Variants in SGCZ observed in about 807,000 individuals in gnomAD.
SGCZ encodes the protein zeta-sarcoglycan.
SGCZ carries 40 observed loss-of-function variants against 41.3 expected under a neutral mutation model. That is an observed-to-expected ratio of 0.97 (90% CI 0.75 to 1.26). The LOEUF is 1.26. SGCZ is among the 50% of genes most tolerant of loss of function. SGCZ has a pLI of 0.00. For synonymous variants in SGCZ, 206 were observed against 137.5 expected, an observed-to-expected ratio of 1.50 and a Z score of -3.49; for missense variants, 552 against 369.8, an observed-to-expected ratio of 1.49 and a Z score of -4.04.
chr8:14,260,803 T>C (rs1799636058), intron 3 of SGCZ, among the ~76,000 whole-genome samples: 2 of 152,064 alleles, frequency 1.3e-5, no homozygotes, highest in Admixed American at 6.5e-5. Flanking sequence ...TGTAGGGACA[T>C]GGATGAAAGT....
intron 1 of SGCZ, among the ~76,000 whole-genome samples, chr8:14,616,191 G>C (rs1806096302): frequency 6.6e-6 from 1 of 151,882 alleles, no homozygotes; most frequent in African/African-American, 2.4e-5. Context: ...GCTGAGGCAG[G>C]AGAATGGCGT....
At chr8:15,224,058 G>C (rs1801693845) in intron 1 of SGCZ, among the ~76,000 whole-genome samples, 1 of 152,046 alleles carries the variant, frequency 6.6e-6, no homozygotes, top group African/African-American at 2.4e-5. Context: ...GCTTCACTGT[G>C]CTGGCCAGGC....
chr8:14,410,850 CT>C (rs1050063285), intron 2 of SGCZ, among the ~76,000 whole-genome samples: 1 of 152,120 alleles, frequency 6.6e-6, no homozygotes, highest in Non-Finnish European at 1.5e-5. Flanking sequence ...AACCACTCTT[CT>C]TTTCAAATGG....
chr8:15,169,597 A>T (rs1799768293), intron 1 of SGCZ, among the ~76,000 whole-genome samples: 1 of 127,046 alleles, frequency 7.9e-6, no homozygotes, highest in African/African-American at 2.5e-5. Context: ...AGAGTACCCT[A>T]GACTAGGCGG....
intron 1 of SGCZ, among the ~76,000 whole-genome samples, chr8:15,087,165 G>T (rs1457171792): frequency 6.6e-6 from 1 of 152,028 alleles, no homozygotes; most frequent in African/African-American, 2.4e-5. Context: ...TGACTATAGA[G>T]ATTAAAGGTA....
chr8:14,558,443 TG>T (rs1403256271), intron 1 of SGCZ, among the ~76,000 whole-genome samples: 1 of 151,846 alleles, frequency 6.6e-6, no homozygotes, highest in Non-Finnish European at 1.5e-5. Flanking sequence ...GGTGTGGTGG[TG>T]GGTGCCTATA....
intron 2 of SGCZ, among the ~76,000 whole-genome samples, chr8:14,359,210 A>G (rs186410074): frequency 1.4e-4 from 22 of 152,288 alleles, no homozygotes; most frequent in Admixed American, 1.2e-3. Flanking sequence ...AGTCAAGGAT[A>G]AAGAAAGGAT....
rs1801623972 is a variant in SGCZ at position 14,089,593 on chromosome 8, A to G, written c.*850T>C. Reference sequence around the variant, plus strand: ...CATGTGAATTTTTTAAAAATCATCTATGGATTTAATACCATCAACATATCC... The same window carrying G: ...CATGTGAATTTTTTAAAAATCATCTGTGGATTTAATACCATCAACATATCC... On this transcript the variant is annotated 3_prime_UTR_variant, in exon 8 of 8. Coordinates refer to ENST00000382080, the MANE Select transcript of SGCZ (RefSeq NM_139167.4). Among the ~76,000 whole-genome samples, 2 of 152,046 alleles carry G rather than the reference A, an allele frequency of 1.3e-5. No homozygotes were observed. Among genetic ancestry groups the G allele is most frequent in the Non-Finnish European group, 2.9e-5 (2 of 67,980 alleles).
intron 3 of SGCZ, among the ~76,000 whole-genome samples, chr8:14,262,191 T>G (rs565150726): frequency 2.0e-5 from 3 of 152,140 alleles, no homozygotes; most frequent in South Asian, 2.1e-4. Context: ...GTAAAACCAT[T>G]AGCAATTTAA....
chr8:14,631,197 G>A (rs1585139445), intron 1 of SGCZ, among the ~76,000 whole-genome samples: 1 of 151,998 alleles, frequency 6.6e-6, no homozygotes, highest in Non-Finnish European at 1.5e-5. Context: ...ATCCTCCTCA[G>A]GGGTGAGGAG....
intron 2 of SGCZ, among the ~76,000 whole-genome samples, chr8:14,342,590 C>G (rs1802748467): frequency 6.6e-6 from 1 of 152,154 alleles, no homozygotes; most frequent in South Asian, 2.1e-4. Flanking sequence ...GCTGGGATTA[C>G]AGGCGTGAGC....
At chr8:15,181,788 T>A (rs1488766673) in intron 1 of SGCZ, among the ~76,000 whole-genome samples, 1 of 152,188 alleles carries the variant, frequency 6.6e-6, no homozygotes, top group Non-Finnish European at 1.5e-5. Context: ...CATAACTCCA[T>A]TAGGTGAATA....
intron 1 of SGCZ, among the ~76,000 whole-genome samples, chr8:15,113,087 T>C (rs1229154718): frequency 6.6e-6 from 1 of 151,742 alleles, no homozygotes; most frequent in Non-Finnish European, 1.5e-5. Flanking sequence ...TGAGCGCCTG[T>C]AGTTCCAACT....
At chr8:14,754,708 A>G (rs1444478999) in intron 1 of SGCZ, among the ~76,000 whole-genome samples, 2 of 152,070 alleles carry the variant, frequency 1.3e-5, no homozygotes, top group Non-Finnish European at 2.9e-5. Context: ...ATCTCTCAAT[A>G]TAGTTTGTTT....
At chr8:14,664,808 A>G (rs1369190709) in intron 1 of SGCZ, among the ~76,000 whole-genome samples, 1 of 152,166 alleles carries the variant, frequency 6.6e-6, no homozygotes, top group African/African-American at 2.4e-5. Context: ...TTTTTCTCTG[A>G]GAAACATGTT....
At chr8:14,977,328 A>C (rs903011312) in intron 1 of SGCZ, among the ~76,000 whole-genome samples, 19 of 152,196 alleles carry the variant, frequency 1.2e-4, no homozygotes, top group African/African-American at 4.6e-4. Flanking sequence ...CAAAGGCACT[A>C]AATGAACATT....
chr8:14,942,975 C>T (rs1159543950), intron 1 of SGCZ, among the ~76,000 whole-genome samples: 2 of 152,074 alleles, frequency 1.3e-5, no homozygotes, highest in African/African-American at 4.8e-5. Flanking sequence ...AGATTGATTG[C>T]TGAATCATGC....
intron 1 of SGCZ, among the ~76,000 whole-genome samples, chr8:15,074,261 A>G (rs1171061721): frequency 6.6e-6 from 1 of 152,178 alleles, no homozygotes; most frequent in East Asian, 1.9e-4. Flanking sequence ...ACGTTAGTCC[A>G]AAATCTTCTC....
At chr8:14,682,330 A>C (rs998635635) in intron 1 of SGCZ, among the ~76,000 whole-genome samples, 1 of 152,248 alleles carries the variant, frequency 6.6e-6, no homozygotes, top group Non-Finnish European at 1.5e-5. Context: ...CCCATCCACC[A>C]GATGGTGATA....
Sources: gnomAD v4.1 joint callset for allele counts (sites outside exome capture counted in the v4.1 genomes callset) on GRCh38, gnomAD v4.1.1 for gene constraint, MANE v1.5 for transcripts, NCBI Gene and HGNC (gene_info 2026-07-23, HGNC 2026-07-21) for gene names.